FAM227B: variants seen among roughly 807,000 people sequenced by gnomAD.
FAM227B encodes protein FAM227B.
In FAM227B, 88 loss-of-function variants were observed where a neutral mutation model predicts 73.8. That is an observed-to-expected ratio of 1.19 (90% CI 1.00 to 1.42). The LOEUF is 1.42. Among genes scored for constraint, FAM227B ranks in the 40% most tolerant of loss-of-function variants. The pLI, the probability that FAM227B is intolerant of heterozygous loss-of-function variation, is 0.00. For missense variants in FAM227B, 632 were observed against 590.9 expected (o/e 1.07, Z -0.72); for synonymous variants, 210 against 190.5 (o/e 1.10, Z -0.84).
At chr15:49,399,418 G>A (rs1218567167) in intron 11 of FAM227B, among the ~76,000 whole-genome samples, 27,360 of 149,148 alleles carry the variant, frequency 0.18, 2,643 homozygotes, top group Non-Finnish European at 0.23. Flanking sequence ...TCTACCAGAG[G>A]TACAAGGAGG....
chr15:49,567,792 A>G (rs1002795823), intron 9 of FAM227B, among the ~76,000 whole-genome samples: 21 of 152,134 alleles, frequency 1.4e-4, no homozygotes, highest in Non-Finnish European at 2.9e-5. Context: ...GTACAATAAC[A>G]GAAAAGCACA....
chr15:49,585,136 A>G (rs2152395617), intron 5 of FAM227B, among the ~76,000 whole-genome samples: 1 of 152,232 alleles, frequency 6.6e-6, no homozygotes, highest in East Asian at 1.9e-4. Context: ...CAAAACCACA[A>G]TGAGATACCA....
intron 11 of FAM227B, among the ~76,000 whole-genome samples, chr15:49,438,511 T>C (rs1158377339): frequency 6.6e-6 from 1 of 151,710 alleles, no homozygotes; most frequent in Non-Finnish European, 1.5e-5. Context: ...CAAAGAGTTA[T>C]CAGTCTTAGC....
intron 12 of FAM227B, 133 bp from the exon 13 acceptor site, chr15:49,367,741 T>C: frequency 1.2e-6 from 1 of 838,762 alleles, no homozygotes; most frequent in Non-Finnish European, 1.7e-6. Flanking sequence ...CTACAAAGCA[T>C]CTTCTTAATT....
intron 9 of FAM227B, among the ~76,000 whole-genome samples, chr15:49,555,665 C>G (rs1287986539): frequency 6.6e-6 from 1 of 152,260 alleles, no homozygotes; most frequent in African/African-American, 2.4e-5. Flanking sequence ...TTCTCTCCCT[C>G]TTTCAAGGAT....
chr15:49,422,510 A>G, intron 11 of FAM227B: 1 of 1,279,864 alleles, frequency 7.8e-7, no homozygotes, highest in South Asian at 3.0e-5. Context: ...AACAGCTTTT[A>G]AAAGTAGGTG....
At chr15:49,554,122 C>T (rs1486448921) in intron 9 of FAM227B, among the ~76,000 whole-genome samples, 2 of 152,142 alleles carry the variant, frequency 1.3e-5, no homozygotes, top group African/African-American at 4.8e-5. Context: ...AAGGGCCTCC[C>T]ATCTCTGTCT....
chr15:49,336,879 T>G (rs1171656152), intron 13 of FAM227B, among the ~76,000 whole-genome samples: 2 of 152,172 alleles, frequency 1.3e-5, no homozygotes, highest in Non-Finnish European at 2.9e-5. Context: ...TCTTACAGTA[T>G]GCAGTGTCTA....
chr15:49,383,909 C>T (rs1168275257), intron 11 of FAM227B, among the ~76,000 whole-genome samples: 2 of 152,006 alleles, frequency 1.3e-5, no homozygotes, highest in Non-Finnish European at 2.9e-5. Context: ...TGTCATTCTC[C>T]CCCCAAATAC....
intron 10 of FAM227B, among the ~76,000 whole-genome samples, chr15:49,521,169 C>G (rs1475355785): frequency 3.9e-5 from 6 of 152,110 alleles, no homozygotes; most frequent in Non-Finnish European, 8.8e-5. Flanking sequence ...GAATCTTAGC[C>G]CTGTGTTGTT....
chr15:49,391,326 A>G (rs945709354), intron 11 of FAM227B, among the ~76,000 whole-genome samples: 9 of 152,116 alleles, frequency 5.9e-5, no homozygotes, highest in Admixed American at 5.9e-4. Context: ...CATGAAAATA[A>G]GGGAAAAGGC....
intron 11 of FAM227B, among the ~76,000 whole-genome samples, chr15:49,472,629 T>C (rs1375833791): frequency 6.6e-6 from 1 of 152,052 alleles, no homozygotes; most frequent in Non-Finnish European, 1.5e-5. Context: ...GGGAGAAAAA[T>C]GCGTACATAT....
At chr15:49,476,875 C>T (rs1395782652) in intron 11 of FAM227B, among the ~76,000 whole-genome samples, 2 of 151,640 alleles carry the variant, frequency 1.3e-5, no homozygotes, top group African/African-American at 2.4e-5. Context: ...CTGGCTAACA[C>T]GGTGAAACCT....
chr15:49,389,672 A>G (rs754785541), intron 11 of FAM227B, among the ~76,000 whole-genome samples: 1 of 152,004 alleles, frequency 6.6e-6, no homozygotes, highest in South Asian at 2.1e-4. Context: ...ATTGTTATTA[A>G]TATTATTTCT....
intron 11 of FAM227B, among the ~76,000 whole-genome samples, chr15:49,480,083 G>A (rs1444859615): frequency 2.0e-5 from 3 of 152,144 alleles, no homozygotes; most frequent in Non-Finnish European, 4.4e-5. Context: ...GGGTTGATAA[G>A]CTACTGATTC....
chr15:49,368,931 C>A (rs1322299051), intron 12 of FAM227B, among the ~76,000 whole-genome samples: 1 of 152,092 alleles, frequency 6.6e-6, no homozygotes, highest in Non-Finnish European at 1.5e-5. Context: ...GTATTAAATG[C>A]AATCCCGTGG....
chr15:49,328,581 T>C lies in FAM227B; in HGVS notation c.1514A>G (p.Glu505Gly). ...TTCTGGTTTCTCTTAGTATTCTTCT[T>C]CCTCAAAGTTGTAGTTGTCTGTTGA... is the stretch of plus-strand genomic sequence containing the variant. ...PSSTDNYNFE[E>G]EEY The change falls in exon 16 of 16, where the codon GAA becomes GGA. Residue 505 changes from glutamate (E) to glycine (G), a missense_variant. Physicochemically the swap from Glu to Gly is moderately conservative, Grantham distance 98 (BLOSUM62 -2). Transcript: ENST00000299338. 1 of 1,600,972 alleles carries C rather than the reference T, an allele frequency of 6.2e-7. No homozygotes were observed. The highest frequency in any genetic ancestry group is 8.5e-7 in the Non-Finnish European group (1 of 1,171,362).
chr15:49,547,036 G>C (rs1301679944), intron 9 of FAM227B, among the ~76,000 whole-genome samples: 1 of 152,152 alleles, frequency 6.6e-6, no homozygotes, highest in Non-Finnish European at 1.5e-5. Flanking sequence ...AGAGAGAAAG[G>C]TCGGGTTACC....
chr15:49,546,262 T>G (rs568679553), intron 9 of FAM227B, among the ~76,000 whole-genome samples: 1 of 152,308 alleles, frequency 6.6e-6, no homozygotes, highest in East Asian at 1.9e-4. Context: ...TCCATTTTCA[T>G]CCATGTCCCT....
Sources: allele counts gnomAD v4.1 joint callset (sites outside exome capture counted in the v4.1 genomes callset), GRCh38; gene constraint gnomAD v4.1.1; transcripts MANE v1.5; gene names NCBI Gene and HGNC (gene_info 2026-07-23, HGNC 2026-07-21).